The following SPAG16 variants were observed in gnomAD, a reference collection of about 807,000 sequenced individuals.
SPAG16 encodes sperm-associated antigen 16 protein.
Under a neutral mutation model 80.4 loss-of-function variants are expected in SPAG16, and 86 were observed. The observed-to-expected ratio is 1.07, with a 90% CI of 0.90 to 1.28. SPAG16 has a LOEUF of 1.28. SPAG16 is among the 50% of genes most tolerant of loss of function. The probability of loss-of-function intolerance (pLI) is 0.00; values close to 1 mark genes in which losing one functional copy is unlikely to be tolerated. For missense variants in SPAG16, 870 were observed against 765.3 expected, an observed-to-expected ratio of 1.14 and a Z score of -1.61; for synonymous variants, 294 against 265.9, an observed-to-expected ratio of 1.11 and a Z score of -1.03.
rs74355617 is a variant in SPAG16, at chr2:213,985,744, G to A, written c.1401-28207G>A. ...GAGAGGGAATAAAAGGATGGAGTACGCAAATGGTAATCATTCTCCTAATCA... is the reference window on the plus strand; with the variant it reads ...GAGAGGGAATAAAAGGATGGAGTACACAAATGGTAATCATTCTCCTAATCA... On this transcript the variant is annotated intron_variant, in intron 12 of 15. Coordinates refer to ENST00000331683, the MANE Select transcript of SPAG16 (RefSeq NM_024532.5). Among the ~76,000 whole-genome samples, 1,448 of 152,104 alleles carry A rather than the reference G, an allele frequency of 9.5e-3. 27 individuals are homozygous for A. The highest frequency in any genetic ancestry group is 0.033 in the African/African-American group (1,375 of 41,508).
chr2:213,977,914 C>T (rs1336959586), intron 12 of SPAG16, among the ~76,000 whole-genome samples: 2 of 152,048 alleles, frequency 1.3e-5, no homozygotes, highest in African/African-American at 4.8e-5. Flanking sequence ...ATATAAGCCT[C>T]TTCTCTACCC....
chr2:213,751,548 C>T (rs1210772105), intron 10 of SPAG16, among the ~76,000 whole-genome samples: 1 of 152,186 alleles, frequency 6.6e-6, no homozygotes, highest in Non-Finnish European at 1.5e-5. Context: ...CTCCCTGCCA[C>T]CTCCAGTCTT....
intron 7 of SPAG16, among the ~76,000 whole-genome samples, chr2:213,355,649 G>T (rs2065599935): frequency 6.6e-6 from 1 of 152,156 alleles, no homozygotes; most frequent in Non-Finnish European, 1.5e-5. Flanking sequence ...TTTCACTCAT[G>T]ATTTGGCCCT....
At chr2:213,763,421 C>G (rs976760962) in intron 10 of SPAG16, among the ~76,000 whole-genome samples, 4 of 152,004 alleles carry the variant, frequency 2.6e-5, no homozygotes, top group African/African-American at 9.7e-5. Flanking sequence ...GTGAAATAAA[C>G]CAGTTATAGA....
intron 14 of SPAG16, among the ~76,000 whole-genome samples, chr2:214,143,063 A>C (rs1335204321): frequency 1.3e-5 from 2 of 151,876 alleles, no homozygotes; most frequent in African/African-American, 4.8e-5. Context: ...TTTTAGCCTC[A>C]CTCTGTCTTT....
chr2:213,947,424 A>G (rs2079525900), intron 12 of SPAG16, among the ~76,000 whole-genome samples: 2 of 152,060 alleles, frequency 1.3e-5, no homozygotes, highest in South Asian at 4.1e-4. Flanking sequence ...TTTAATTGGT[A>G]TTTCTACCAT....
chr2:213,734,021 A>C (rs189331151), intron 10 of SPAG16, among the ~76,000 whole-genome samples: 1 of 152,214 alleles, frequency 6.6e-6, no homozygotes, highest in Non-Finnish European at 1.5e-5. Context: ...AGAAGTTCAC[A>C]TCACACTGAG....
chr2:213,680,098 G>C (rs2064302576), intron 10 of SPAG16, among the ~76,000 whole-genome samples: 1 of 152,156 alleles, frequency 6.6e-6, no homozygotes, highest in Admixed American at 6.6e-5. Context: ...GGAACAAGTA[G>C]AGGCTGTGGG....
chr2:213,826,179 C>G (rs544630101), intron 10 of SPAG16, among the ~76,000 whole-genome samples: 4 of 151,588 alleles, frequency 2.6e-5, no homozygotes, highest in African/African-American at 9.6e-5. Flanking sequence ...TTGTTAACTT[C>G]GTTTATCTTT....
intron 9 of SPAG16, among the ~76,000 whole-genome samples, chr2:213,469,404 G>T (rs565018429): frequency 9.2e-5 from 14 of 152,162 alleles, no homozygotes; most frequent in South Asian, 6.2e-4. Flanking sequence ...CTTAGTACAG[G>T]TGTATACATG....
chr2:214,240,941 G>A (rs1020867589), intron 15 of SPAG16: 4 of 152,070 alleles, frequency 2.6e-5, no homozygotes, highest in Non-Finnish European at 5.9e-5. Flanking sequence ...TAATATTAGA[G>A]TAGATTAGAA....
At chr2:213,527,786 C>T (rs1482010166) in intron 10 of SPAG16, among the ~76,000 whole-genome samples, 1 of 152,034 alleles carries the variant, frequency 6.6e-6, no homozygotes, top group Non-Finnish European at 1.5e-5. Context: ...ATGAAATATA[C>T]AGAAAAACAT....
chr2:214,055,577 C>T (rs192854929), intron 13 of SPAG16, among the ~76,000 whole-genome samples: 1 of 152,204 alleles, frequency 6.6e-6, no homozygotes, highest in African/African-American at 2.4e-5. Flanking sequence ...GGGAGCATGT[C>T]TTAATACTAA....
At chr2:214,222,171 C>T (rs952433495) in intron 15 of SPAG16, among the ~76,000 whole-genome samples, 1 of 129,736 alleles carries the variant, frequency 7.7e-6, no homozygotes, top group Non-Finnish European at 1.6e-5. Context: ...GGCTGGAGTG[C>T]AGTGGCACAA....
chr2:213,535,382 C>A (rs1379525594), intron 10 of SPAG16, among the ~76,000 whole-genome samples: 1 of 152,002 alleles, frequency 6.6e-6, no homozygotes, highest in Non-Finnish European at 1.5e-5. Flanking sequence ...GTAGTAGACA[C>A]AATGGGAAAT....
intron 9 of SPAG16, among the ~76,000 whole-genome samples, chr2:213,441,070 C>A (rs1022313639): frequency 4.6e-5 from 7 of 152,282 alleles, no homozygotes; most frequent in Admixed American, 3.3e-4. Context: ...GTTTGGAAAA[C>A]TGCCTTACCT....
chr2:213,923,900 G>A (rs2078339600), intron 11 of SPAG16: 1 of 152,274 alleles, frequency 6.6e-6, no homozygotes, highest in African/African-American at 2.4e-5. Context: ...AAGTGGGTGG[G>A]GTCATGTGCA....
At chr2:213,658,959 C>T (rs1324844594) in intron 10 of SPAG16, among the ~76,000 whole-genome samples, 1 of 152,032 alleles carries the variant, frequency 6.6e-6, no homozygotes, top group Non-Finnish European at 1.5e-5. Flanking sequence ...TTGCTTGCAC[C>T]CGGGAGGCAG....
At chr2:213,844,490 G>T (rs1196572739) in intron 10 of SPAG16, among the ~76,000 whole-genome samples, 1 of 152,124 alleles carries the variant, frequency 6.6e-6, no homozygotes, top group Non-Finnish European at 1.5e-5. Context: ...TAATTCATGT[G>T]TAATTTGAAA....
Sources: allele counts gnomAD v4.1 joint callset (sites outside exome capture counted in the v4.1 genomes callset), GRCh38; gene constraint gnomAD v4.1.1; transcripts MANE v1.5; gene names NCBI Gene and HGNC (gene_info 2026-07-23, HGNC 2026-07-21).